Variants in VSTM4 observed in about 807,000 individuals in gnomAD.
VSTM4 encodes the protein V-set and transmembrane domain containing 4, also known as V-set and transmembrane domain-containing protein 4.
A neutral mutation model predicts 36.4 loss-of-function variants in VSTM4; 20 were observed. The ratio of observed to expected loss-of-function variants is 0.55; its 90% CI spans 0.39 to 0.80. The LOEUF is 0.80. Among genes scored for constraint, VSTM4 ranks in the 30% least tolerant of loss-of-function variants. VSTM4 has a pLI of 0.00. For missense variants in VSTM4, 392 were observed against 404.5 expected (o/e 0.97, Z 0.26); for synonymous variants, 182 against 173.9 (o/e 1.05, Z -0.37).
At chr10:49,095,424 AG>A (rs1844552417) in intron 2 of VSTM4, among the ~76,000 whole-genome samples, 1 of 152,150 alleles carries the variant, frequency 6.6e-6, no homozygotes. Context: ...AGGCCCCGGC[AG>A]GGTCCTTGGT....
chr10:49,077,150 T>TA, intron 4 of VSTM4, 69 bp downstream of exon 4: 1 of 1,502,728 alleles, frequency 6.7e-7, no homozygotes, highest in South Asian at 1.2e-5. Context: ...GTACTTTGTC[T>TA]AGCATCTTCC....
At chr10:49,053,532 C>G (rs1442542939) in intron 5 of VSTM4, among the ~76,000 whole-genome samples, 1 of 152,220 alleles carries the variant, frequency 6.6e-6, no homozygotes, top group African/African-American at 2.4e-5. Flanking sequence ...TTGGCTATCT[C>G]TCTTGCAAAG....
At chr10:49,038,465 G>T (rs766518877) in intron 7 of VSTM4, among the ~76,000 whole-genome samples, 16 of 152,168 alleles carry the variant, frequency 1.1e-4, no homozygotes, top group Non-Finnish European at 1.8e-4. Flanking sequence ...GGTGGGAGTG[G>T]GGGGTGTTTC....
At chr10:49,063,149 G>C (rs975681310) in intron 5 of VSTM4, among the ~76,000 whole-genome samples, 3 of 151,926 alleles carry the variant, frequency 2.0e-5, no homozygotes, top group African/African-American at 7.3e-5. Context: ...GACCAACCTA[G>C]ACAACATGGT....
At chr10:49,058,586 G>C (rs1843822618) in intron 5 of VSTM4, among the ~76,000 whole-genome samples, 1 of 151,720 alleles carries the variant, frequency 6.6e-6, no homozygotes, top group Non-Finnish European at 1.5e-5. Flanking sequence ...ACTCCTGAAG[G>C]TCAGGGCCAC....
At chr10:49,031,277 G>A (rs985858389) in intron 7 of VSTM4, among the ~76,000 whole-genome samples, 4 of 152,016 alleles carry the variant, frequency 2.6e-5, no homozygotes, top group African/African-American at 4.8e-5. Context: ...GTGTGACCTC[G>A]GACGAGGTAC....
intron 1 of VSTM4, among the ~76,000 whole-genome samples, chr10:49,110,827 G>GTGA (rs1844880001): frequency 6.6e-6 from 1 of 152,170 alleles, no homozygotes; most frequent in Admixed American, 6.5e-5. Flanking sequence ...ACTCCAAAAT[G>GTGA]TGATGTTTCT....
At chr10:49,068,342 C>A (rs1844010620) in intron 4 of VSTM4, among the ~76,000 whole-genome samples, 1 of 152,138 alleles carries the variant, frequency 6.6e-6, no homozygotes, top group Admixed American at 6.5e-5. Context: ...GCAAGGTGAG[C>A]AGCCTGGAGA....
At chr10:49,054,157 C>A (rs543777518) in intron 5 of VSTM4, among the ~76,000 whole-genome samples, 2 of 152,254 alleles carry the variant, frequency 1.3e-5, no homozygotes, top group South Asian at 4.1e-4. Flanking sequence ...TGTTGGCCTG[C>A]TTCCTCTGGC....
chr10:49,076,105 T>C (rs1844173549), intron 4 of VSTM4, among the ~76,000 whole-genome samples: 1 of 152,102 alleles, frequency 6.6e-6, no homozygotes, highest in Admixed American at 6.5e-5. Context: ...CCTCCCTCAT[T>C]GTCCCTTAGG....
At chr10:49,071,668 C>T (rs2131985810) in intron 4 of VSTM4, among the ~76,000 whole-genome samples, 1 of 152,346 alleles carries the variant, frequency 6.6e-6, no homozygotes, top group Non-Finnish European at 1.5e-5. Context: ...CAAGGTCCCA[C>T]TGGGGGTTGC....
chr10:49,021,959 A>G (rs770001701), intron 7 of VSTM4, among the ~76,000 whole-genome samples: 11 of 152,304 alleles, frequency 7.2e-5, no homozygotes, highest in Non-Finnish European at 1.3e-4. Context: ...ACATACTTAG[A>G]AAATCCTGGG....
chr10:49,016,612 G>A lies in VSTM4; in HGVS notation c.*3038C>T, dbSNP rs1039898699. The A allele has an allele frequency of 2.0e-5, 3 of 152,196 alleles. No homozygotes were observed. Among genetic ancestry groups the A allele is most frequent in the African/African-American group, 7.2e-5 (3 of 41,440 alleles). The allele number at this position is 152,196 out of a possible 1,614,324, so 9.4% of individuals were successfully genotyped here. A position where few individuals can be genotyped will look rare whatever the true frequency, so the allele number is the denominator to read the frequency against. ...GGGGTCTTTGGGCTCATTGCTGTGT[G>A]GGCCAGCCCACATTATCATACACTA... is the stretch of plus-strand genomic sequence containing the variant. On this transcript the variant is annotated 3_prime_UTR_variant, in exon 8 of 8. Transcript: ENST00000332853.
intron 4 of VSTM4, among the ~76,000 whole-genome samples, chr10:49,068,921 G>T (rs1020348510): frequency 6.6e-6 from 1 of 152,114 alleles, no homozygotes; most frequent in Non-Finnish European, 1.5e-5. Context: ...TTCTCAAATG[G>T]TTATTTTAGG....
chr10:49,065,629 T>C (rs888952179), intron 4 of VSTM4, among the ~76,000 whole-genome samples: 1 of 152,206 alleles, frequency 6.6e-6, no homozygotes, highest in African/African-American at 2.4e-5. Flanking sequence ...AGACACCAGC[T>C]GTCCCAGCCA....
intron 2 of VSTM4, among the ~76,000 whole-genome samples, chr10:49,095,745 A>G (rs1844559233): frequency 6.6e-6 from 1 of 151,888 alleles, no homozygotes; most frequent in African/African-American, 2.4e-5. Flanking sequence ...TGGCCCTTTC[A>G]CACTCTTTCT....
At chr10:49,036,369 C>A (rs1484293860) in intron 7 of VSTM4, among the ~76,000 whole-genome samples, 1 of 152,090 alleles carries the variant, frequency 6.6e-6, no homozygotes, top group South Asian at 2.1e-4. Context: ...TTTCCCAAGG[C>A]TTTTACTTGG....
At chr10:49,103,883 A>G in intron 2 of VSTM4, 1 of 1,610,436 alleles carries the variant, frequency 6.2e-7, no homozygotes, top group Non-Finnish European at 8.5e-7. Context: ...GGGAGGTGAC[A>G]TGAGCAGGTT....
intron 3 of VSTM4, among the ~76,000 whole-genome samples, chr10:49,080,751 A>G (rs1844263418): frequency 1.3e-5 from 2 of 151,904 alleles, no homozygotes; most frequent in Admixed American, 1.3e-4. Flanking sequence ...GAAAACATCC[A>G]CTCTGTTTTG....
Sources: allele counts gnomAD v4.1 joint callset (sites outside exome capture counted in the v4.1 genomes callset), GRCh38; gene constraint gnomAD v4.1.1; transcripts MANE v1.5; gene names NCBI Gene and HGNC (gene_info 2026-07-23, HGNC 2026-07-21).